FOS: variants seen among roughly 807,000 people sequenced by gnomAD.
The protein encoded by FOS is Fos proto-oncogene, AP-1 transcription factor subunit.
FOS carries 9 observed loss-of-function variants against 27.2 expected under a neutral mutation model. That is an observed-to-expected ratio of 0.33 (90% CI 0.20 to 0.58). The LOEUF (loss-of-function observed/expected upper bound fraction) is 0.58, where lower values mean the gene tolerates loss of function less well. FOS is among the 20% of genes least tolerant of loss of function. The probability of loss-of-function intolerance (pLI) is 0.87; values close to 1 mark genes in which losing one functional copy is unlikely to be tolerated. For missense variants in FOS, 405 were observed against 483.5 expected (o/e 0.84, Z 1.52); for synonymous variants, 213 against 205.1 (o/e 1.04, Z -0.33).
rs1206974645 is a variant in FOS at position 75,281,032 on chromosome 14, C to A, written c.751C>A (p.Pro251Thr). Residue 251 changes from proline to threonine, a missense_variant, in exon 4 of 4, where the codon CCC (proline) becomes ACC (threonine). By Grantham distance (38) the Pro-to-Thr change is conservative. Coordinates refer to ENST00000303562, the MANE Select transcript of FOS (RefSeq NM_005252.4). The surrounding 1 kb of genome is among the most constrained non-coding windows in gnomAD (Gnocchi z 4.7). ...LPLLNDPEPKPSVEPVKSISS... is the reference protein window; with the variant it reads ...LPLLNDPEPKTSVEPVKSISS... ...TCTCCTCAATGACCCTGAGCCCAAGCCCTCAGTGGAACCTGTCAAGAGCAT... is the reference window on the plus strand; with the variant it reads ...TCTCCTCAATGACCCTGAGCCCAAGACCTCAGTGGAACCTGTCAAGAGCAT... 2 of 1,613,686 alleles carry A rather than the reference C, an allele frequency of 1.2e-6. No homozygotes were observed. Among genetic ancestry groups the A allele is most frequent in the Non-Finnish European group, 1.7e-6 (2 of 1,180,042 alleles).
In FOS at chr14:75,281,395, C is replaced by T. The variant is rs754517303; in HGVS notation, c.1114C>T (p.Leu372Phe). The T allele has an allele frequency of 5.6e-6, 9 of 1,611,678 alleles. No individual in the cohort carries two copies. The highest frequency in any genetic ancestry group is 7.6e-6 in the Non-Finnish European group (9 of 1,179,964). ...CAGCAATGAGCCTTCCTCTGACTCG[C>T]TCAGCTCACCCACGCTGCTGGCCCT... The part of the protein sequence containing the change: ...SSSNEPSSDS[L>F]SSPTLLAL The change falls in exon 4 of 4, where the codon CTC becomes TTC. Residue 372 changes from leucine to phenylalanine, a missense_variant. Coordinates refer to ENST00000303562, the MANE Select transcript of FOS (RefSeq NM_005252.4). This position sits in a 1 kb window ranked among gnomAD's most constrained non-coding sequence, Gnocchi z 4.7.
Position 75,280,041 on chromosome 14 carries a change from C to A in FOS, c.306C>A (p.Ser102=). The A allele has an allele frequency of 6.2e-7, 1 of 1,614,172 alleles. No homozygotes were observed. The highest frequency in any genetic ancestry group is 8.5e-7 in the Non-Finnish European group (1 of 1,180,024). ...ACCCTTTCGGAGTCCCCGCCCCCTC[C>A]GCTGGGGCTTACTCCAGGGCTGGCG... ...APHPFGVPAP[S]AGAYSRAGVV... is the part of the protein sequence containing the mutation. Residue 102 remains serine (S), a synonymous_variant, in exon 2 of 4, where the codon TCC becomes TCA. Coordinates refer to ENST00000303562, the MANE Select transcript of FOS (RefSeq NM_005252.4).
intron 2 of FOS, 96 bp downstream of exon 2, chr14:75,280,224 G>A (rs1897211956): frequency 5.2e-6 from 8 of 1,537,720 alleles, no homozygotes; most frequent in Non-Finnish European, 6.3e-6. Context: ...TGAAGCCACT[G>A]ATGGGGCTGG....
chr14:75,279,193 C>T lies in FOS; in HGVS notation c.141+70C>T. On this transcript the variant is annotated intron_variant, in intron 1 of 3. Coordinates refer to ENST00000303562, the MANE Select transcript of FOS (RefSeq NM_005252.4). This position sits in a 1 kb window ranked among gnomAD's most constrained non-coding sequence, Gnocchi z 5.4. The stretch of plus-strand genomic sequence containing the variant: ...GCGGAGGAGGAGACACCGGGCGGGA[C>T]GCTCCAGTAGATGAGTAGGGGGCTC... 1 of 1,593,602 alleles carries T rather than the reference C, an allele frequency of 6.3e-7. No homozygotes were observed. The highest frequency in any genetic ancestry group is 8.5e-7 in the Non-Finnish European group (1 of 1,173,112).
chr14:75,281,277 C>T lies in FOS; in HGVS notation c.996C>T (p.Pro332=). The T allele has an allele frequency of 6.2e-7, 1 of 1,611,326 alleles. No individual in the cohort carries two copies. The highest frequency in any genetic ancestry group is 8.5e-7 in the Non-Finnish European group (1 of 1,180,012). ...PLCTPVVTCT[P]SCTAYTSSFV... Reference sequence around the variant, plus strand: ...GCACTCCGGTGGTCACCTGTACTCCCAGCTGCACTGCTTACACGTCTTCCT... The same window carrying T: ...GCACTCCGGTGGTCACCTGTACTCCTAGCTGCACTGCTTACACGTCTTCCT... The change falls in exon 4 of 4, where the codon CCC becomes CCT. Residue 332 remains proline (P), a synonymous_variant. Coordinates refer to ENST00000303562, the MANE Select transcript of FOS (RefSeq NM_005252.4). The surrounding 1 kb of genome is among the most constrained non-coding windows in gnomAD (Gnocchi z 4.7).
In FOS at chr14:75,281,204, G is replaced by T; in HGVS notation, c.923G>T (p.Ser308Ile). The part of the protein sequence containing the change: ...FYAADWEPLH[S>I]GSLGMGPMAT... ...GCAGCAGACTGGGAGCCTCTGCACAGTGGCTCCCTGGGGATGGGGCCCATG... is the reference window on the plus strand; with the variant it reads ...GCAGCAGACTGGGAGCCTCTGCACATTGGCTCCCTGGGGATGGGGCCCATG... The change falls in exon 4 of 4, where the codon AGT (serine) becomes ATT (isoleucine). Residue 308 changes from serine to isoleucine, a missense_variant. By Grantham distance (142) the Ser-to-Ile change is moderately radical. Transcript: ENST00000303562. This position sits in a 1 kb window ranked among gnomAD's most constrained non-coding sequence, Gnocchi z 4.7. The T allele has an allele frequency of 1.2e-6, 2 of 1,612,556 alleles. No individual in the cohort carries two copies. The highest frequency in any genetic ancestry group is 1.7e-6 in the Non-Finnish European group (2 of 1,180,028).
In FOS at chr14:75,279,374, G is replaced by A. The variant is rs1008264444; in HGVS notation, c.141+251G>A. On this transcript the variant is annotated intron_variant, in intron 1 of 3. Transcript: ENST00000303562. This position sits in a 1 kb window ranked among gnomAD's most constrained non-coding sequence, Gnocchi z 5.4. ...CAACCTCTGGTCTGCACTCCAGGAC[G>A]GATCTCTGACATTAGCTGGAGCAGA... 1.4e-5 allele frequency: 8 copies of A among 553,680 alleles called. No individual in the cohort carries two copies. The highest frequency in any genetic ancestry group is 2.5e-5 in the Non-Finnish European group (8 of 314,378). 34.3% of individuals were successfully genotyped at this position (553,680 alleles called of 1,614,324 possible). A position where few individuals can be genotyped will look rare whatever the true frequency, so the allele number is the denominator to read the frequency against.
rs1448604130 is a variant in FOS, at chr14:75,279,445, G to C, written c.141+322G>C. ...GCTAACTAGAGCCTGGCTTCTCCGG[G>C]GAGGTGGCAGAAAGCGGCAATCCCC... On this transcript the variant is annotated intron_variant, in intron 1 of 3. Transcript: ENST00000303562. The surrounding 1 kb of genome is among the most constrained non-coding windows in gnomAD (Gnocchi z 5.4). The C allele has an allele frequency of 2.2e-6, 1 of 455,902 alleles. No homozygotes were observed. The highest frequency in any genetic ancestry group is 3.9e-6 in the Non-Finnish European group (1 of 255,616). 28.2% of individuals were successfully genotyped at this position (455,902 alleles called of 1,614,324 possible). A position where few individuals can be genotyped will look rare whatever the true frequency, so the allele number is the denominator to read the frequency against.
In FOS at chr14:75,280,135, AACTCTAGCGT is replaced by A. The variant is rs1424400529; in HGVS notation, c.393+13_393+22del. 6.2e-7 allele frequency: 1 copy of A among 1,613,434 alleles called. No individual in the cohort carries two copies. Among genetic ancestry groups the A allele is most frequent in the East Asian group, 2.2e-5 (1 of 44,900 alleles). On this transcript the variant is annotated splice_region_variant and intron_variant, in intron 2 of 3. Coordinates refer to ENST00000303562, the MANE Select transcript of FOS (RefSeq NM_005252.4). ...GAGGGGCAAGGTGGAACAGGTGAGG[AACTCTAGCGT>A]ACTCTTCCTGGGAATGTGGGGGCTG...
chr14:75,281,525 G>C lies in FOS; in HGVS notation c.*101G>C. The C allele has an allele frequency of 7.7e-7, 1 of 1,293,458 alleles. No individual in the cohort carries two copies. Among genetic ancestry groups the C allele is most frequent in the Non-Finnish European group, 1.1e-6 (1 of 949,658 alleles). The allele number at this position is 1,293,458 out of a possible 1,614,324, so 80.1% of individuals were successfully genotyped here. A position where few individuals can be genotyped will look rare whatever the true frequency, so the allele number is the denominator to read the frequency against. On this transcript the variant is annotated 3_prime_UTR_variant, in exon 4 of 4. Coordinates refer to ENST00000303562, the MANE Select transcript of FOS (RefSeq NM_005252.4). The surrounding 1 kb of genome is among the most constrained non-coding windows in gnomAD (Gnocchi z 4.7). ...ACATCTTCCCTAGAGGGTTCCTGTA[G>C]ACCTAGGGAGGACCTTATCTGTGCG...
In FOS at chr14:75,280,094, C is replaced by T. The variant is rs1216239820; in HGVS notation, c.359C>T (p.Ala120Val). 1.2e-6 allele frequency: 2 copies of T among 1,613,934 alleles called. No individual in the cohort carries two copies. The highest frequency in any genetic ancestry group is 1.7e-5 in the Admixed American group (1 of 60,002). ...GVVKTMTGGR[A>V]QSIGRRGKVE... Reference sequence around the variant, plus strand: ...GTGAAGACCATGACAGGAGGCCGAGCGCAGAGCATTGGCAGGAGGGGCAAG... The same window carrying T: ...GTGAAGACCATGACAGGAGGCCGAGTGCAGAGCATTGGCAGGAGGGGCAAG... The change falls in exon 2 of 4, where the codon GCG becomes GTG. Residue 120 changes from alanine (A) to valine (V), a missense_variant. By Grantham distance (64) the Ala-to-Val change is moderately conservative. Coordinates refer to ENST00000303562, the MANE Select transcript of FOS (RefSeq NM_005252.4).
At position 75,281,600 on chromosome 14, in the gene FOS, G is replaced by A. The variant is rs1391556990; in HGVS notation, c.*176G>A. Reference sequence around the variant, plus strand: ...CAAGGACTTGAAAGCATCCATGTGTGGACTCAAGTCCTTACCTCTTCCGGA... The same window carrying A: ...CAAGGACTTGAAAGCATCCATGTGTAGACTCAAGTCCTTACCTCTTCCGGA... On this transcript the variant is annotated 3_prime_UTR_variant, in exon 4 of 4. Transcript: ENST00000303562. The surrounding 1 kb of genome is among the most constrained non-coding windows in gnomAD (Gnocchi z 4.7). 1.5e-6 allele frequency: 1 copy of A among 667,236 alleles called. No homozygotes were observed. The highest frequency in any genetic ancestry group is 1.8e-5 in the African/African-American group (1 of 55,044). 41.3% of individuals were successfully genotyped at this position (667,236 alleles called of 1,614,324 possible). A position where few individuals can be genotyped will look rare whatever the true frequency, so the allele number is the denominator to read the frequency against.
Position 75,281,558 on chromosome 14 carries a change from C to A in FOS, c.*134C>A. Reference sequence around the variant, plus strand: ...GAGGACCTTATCTGTGCGTGAAACACACCAGGCTGTGGGCCTCAAGGACTT... The same window carrying A: ...GAGGACCTTATCTGTGCGTGAAACAAACCAGGCTGTGGGCCTCAAGGACTT... On this transcript the variant is annotated 3_prime_UTR_variant, in exon 4 of 4. Coordinates refer to ENST00000303562, the MANE Select transcript of FOS (RefSeq NM_005252.4). The surrounding 1 kb of genome is among the most constrained non-coding windows in gnomAD (Gnocchi z 4.7). The A allele has an allele frequency of 1.0e-6, 1 of 980,900 alleles. No individual in the cohort carries two copies. The highest frequency in any genetic ancestry group is 1.5e-6 in the Non-Finnish European group (1 of 680,626). 60.8% of individuals were successfully genotyped at this position (980,900 alleles called of 1,614,324 possible).
Position 75,280,118 on chromosome 14 carries a change from A to G in FOS, c.383A>G (p.Lys128Arg). The part of the protein sequence containing the change: ...GRAQSIGRRG[K>R]VEQLSPEEEE... ...GCGCAGAGCATTGGCAGGAGGGGCA[A>G]GGTGGAACAGGTGAGGAACTCTAGC... Residue 128 changes from lysine (K) to arginine (R), a missense_variant, in exon 2 of 4, where the codon AAG becomes AGG. Lys to Arg is a conservative substitution (Grantham distance 26). Coordinates refer to ENST00000303562, the MANE Select transcript of FOS (RefSeq NM_005252.4). The G allele has an allele frequency of 6.2e-7, 1 of 1,613,820 alleles. No homozygotes were observed. Among genetic ancestry groups the G allele is most frequent in the Non-Finnish European group, 8.5e-7 (1 of 1,179,998 alleles).
At position 75,279,268 on chromosome 14, in the gene FOS, G is replaced by A. The variant is rs575522818; in HGVS notation, c.141+145G>A. ...GTGGCCGGAGCGGTGCCGGCTCGGG[G>A]GCTCGGGACTTGCTCTGAGCGCACG... On this transcript the variant is annotated intron_variant, in intron 1 of 3. Coordinates refer to ENST00000303562, the MANE Select transcript of FOS (RefSeq NM_005252.4). This position sits in a 1 kb window ranked among gnomAD's most constrained non-coding sequence, Gnocchi z 5.4. The A allele has an allele frequency of 4.8e-3, 5,156 of 1,065,986 alleles. 36 individuals carry two copies. The highest frequency in any genetic ancestry group is 0.017 in the South Asian group (1,213 of 72,044). 66.0% of individuals were successfully genotyped at this position (1,065,986 alleles called of 1,614,324 possible). A position where few individuals can be genotyped will look rare whatever the true frequency, so the allele number is the denominator to read the frequency against.
Position 75,280,771 on chromosome 14 carries a change from C to G in FOS, c.502-12C>G. On this transcript the variant is annotated splice_polypyrimidine_tract_variant and intron_variant, in intron 3 of 3. Coordinates refer to ENST00000303562, the MANE Select transcript of FOS (RefSeq NM_005252.4). Reference sequence around the variant, plus strand: ...CTGTGTCTTATGCTTTCCTTTATCCCTCTGTATACAGGAGACAGACCAACT... The same window carrying G: ...CTGTGTCTTATGCTTTCCTTTATCCGTCTGTATACAGGAGACAGACCAACT... 1.2e-6 allele frequency: 2 copies of G among 1,612,764 alleles called. No individual in the cohort carries two copies. The highest frequency in any genetic ancestry group is 1.1e-5 in the South Asian group (1 of 91,042).
In FOS at chr14:75,281,557, A is replaced by G; in HGVS notation, c.*133A>G. The G allele has an allele frequency of 1.0e-6, 1 of 981,886 alleles. No homozygotes were observed. The highest frequency in any genetic ancestry group is 1.6e-5 in the African/African-American group (1 of 61,270). The allele number at this position is 981,886 out of a possible 1,614,324, so 60.8% of individuals were successfully genotyped here. A position where few individuals can be genotyped will look rare whatever the true frequency, so the allele number is the denominator to read the frequency against. On this transcript the variant is annotated 3_prime_UTR_variant, in exon 4 of 4. Coordinates refer to ENST00000303562, the MANE Select transcript of FOS (RefSeq NM_005252.4). The surrounding 1 kb of genome is among the most constrained non-coding windows in gnomAD (Gnocchi z 4.7). Reference sequence around the variant, plus strand: ...GGAGGACCTTATCTGTGCGTGAAACACACCAGGCTGTGGGCCTCAAGGACT... The same window carrying G: ...GGAGGACCTTATCTGTGCGTGAAACGCACCAGGCTGTGGGCCTCAAGGACT...
Position 75,280,127 on chromosome 14 carries a change from A to T in FOS, c.392A>T (p.Gln131Leu), listed in dbSNP as rs1594901969. 2 of 1,613,762 alleles carry T rather than the reference A, an allele frequency of 1.2e-6. No homozygotes were observed. The highest frequency in any genetic ancestry group is 1.7e-6 in the Non-Finnish European group (2 of 1,180,004). The stretch of plus-strand genomic sequence containing the variant: ...ATTGGCAGGAGGGGCAAGGTGGAAC[A>T]GGTGAGGAACTCTAGCGTACTCTTC... Reference protein sequence around the residue: ...QSIGRRGKVEQLSPEEEEKRR... With the variant: ...QSIGRRGKVELLSPEEEEKRR... Residue 131 changes from glutamine to leucine, a missense_variant and splice_region_variant, in exon 2 of 4, where the codon CAG becomes CTG. Coordinates refer to ENST00000303562, the MANE Select transcript of FOS (RefSeq NM_005252.4).
Position 75,280,846 on chromosome 14 carries a change from G to A in FOS, c.565G>A (p.Glu189Lys), listed in dbSNP as rs1594902370. Residue 189 changes from glutamate (E) to lysine (K), a missense_variant, in exon 4 of 4, where the codon GAG becomes AAG. Glu to Lys is a moderately conservative substitution (Grantham distance 56, BLOSUM62 1). Transcript: ENST00000303562. ...GACCGAGATTGCCAACCTGCTGAAG[G>A]AGAAGGAAAAACTAGAGTTCATCCT... ...LQTEIANLLKEKEKLEFILAA... is the reference protein window; with the variant it reads ...LQTEIANLLKKKEKLEFILAA... 1 of 1,614,152 alleles carries A rather than the reference G, an allele frequency of 6.2e-7. No individual in the cohort carries two copies. The highest frequency in any genetic ancestry group is 1.3e-5 in the African/African-American group (1 of 75,038).
Sources: allele counts gnomAD v4.1 joint callset, GRCh38; gene constraint gnomAD v4.1.1; non-coding constraint Gnocchi (gnomAD v3.1); transcripts MANE v1.5; gene names NCBI Gene and HGNC (gene_info 2026-07-23, HGNC 2026-07-21).